Variants in CSMD3 observed in about 807,000 individuals in gnomAD.
CSMD3 encodes CUB and sushi domain-containing protein 3.
A neutral mutation model predicts 435.2 loss-of-function variants in CSMD3; 177 were observed. The observed-to-expected ratio is 0.41, with a 90% CI of 0.36 to 0.46. CSMD3 has a LOEUF of 0.46. Among genes scored for constraint, CSMD3 ranks in the 20% least tolerant of loss-of-function variants. CSMD3 has a pLI of 0.34. For missense variants in CSMD3, 4,265 were observed against 4,504.6 expected (o/e 0.95, Z 1.52); for synonymous variants, 1,656 against 1,520.5 (o/e 1.09, Z -2.07).
At chr8:113,211,994 G>C (rs1035427782) in intron 3 of CSMD3, among the ~76,000 whole-genome samples, 4 of 152,168 alleles carry the variant, frequency 2.6e-5, no homozygotes, top group Middle Eastern at 6.8e-3. Flanking sequence ...ATATCTAAAA[G>C]TAAAGTAGGA....
intron 5 of CSMD3, among the ~76,000 whole-genome samples, chr8:113,078,142 G>C (rs1304655062): frequency 6.6e-6 from 1 of 152,116 alleles, no homozygotes; most frequent in Non-Finnish European, 1.5e-5. Context: ...CACACAGGCT[G>C]TGTACTGTAC....
chr8:112,392,905 G>T (rs958474458), intron 35 of CSMD3, among the ~76,000 whole-genome samples: 2 of 127,046 alleles, frequency 1.6e-5, no homozygotes, highest in Non-Finnish European at 3.1e-5. Context: ...TGGCTTTGTC[G>T]CCTAGGCTGG....
chr8:112,756,143 T>G (rs1432493365), intron 13 of CSMD3, among the ~76,000 whole-genome samples: 1 of 152,142 alleles, frequency 6.6e-6, no homozygotes, highest in Non-Finnish European at 1.5e-5. Flanking sequence ...GGGCTGCCAC[T>G]TCCATTTTAA....
intron 4 of CSMD3, among the ~76,000 whole-genome samples, chr8:113,147,397 T>C (rs1030126235): frequency 1.3e-5 from 2 of 151,734 alleles, no homozygotes; most frequent in Non-Finnish European, 2.9e-5. Flanking sequence ...GCCACACTTT[T>C]CTTCTCAGAA....
chr8:113,051,864 G>A (rs2131329377), intron 5 of CSMD3, among the ~76,000 whole-genome samples: 1 of 152,246 alleles, frequency 6.6e-6, no homozygotes, highest in Middle Eastern at 3.4e-3. Context: ...AAGGAAAAGA[G>A]CAAATGTGAC....
At chr8:112,667,440 T>A (rs548339190) in intron 16 of CSMD3, among the ~76,000 whole-genome samples, 2 of 152,320 alleles carry the variant, frequency 1.3e-5, no homozygotes, top group African/African-American at 4.8e-5. Flanking sequence ...TCATCTTAGT[T>A]TAAAATAACA....
intron 16 of CSMD3, 56 bp downstream of exon 16, chr8:112,682,386 G>A (rs1688724680): frequency 8.0e-7 from 1 of 1,257,670 alleles, no homozygotes; most frequent in African/African-American, 1.5e-5. Flanking sequence ...TTCTTGTTGT[G>A]GTTTCTTGTA....
rs114258633 is a variant in CSMD3 at position 113,338,825 on chromosome 8, T to G, written c.179-24032A>C. Reference sequence around the variant, plus strand: ...ATTGATGCTTGCACAACTCTGAATATACTGAAACTACTGAATTTGGACCTG... The same window carrying G: ...ATTGATGCTTGCACAACTCTGAATAGACTGAAACTACTGAATTTGGACCTG... On this transcript the variant is annotated intron_variant, in intron 1 of 70. Transcript: ENST00000297405. Among the ~76,000 whole-genome samples, 781 of 152,118 alleles carry G rather than the reference T, an allele frequency of 5.1e-3. 12 individuals are homozygous for G. Among genetic ancestry groups the G allele is most frequent in the African/African-American group, 0.018 (754 of 41,556 alleles).
At chr8:112,506,103 G>C (rs935840067) in intron 29 of CSMD3, among the ~76,000 whole-genome samples, 1 of 151,906 alleles carries the variant, frequency 6.6e-6, no homozygotes, top group African/African-American at 2.4e-5. Context: ...AATTATCATT[G>C]TTGTTGCTTT....
rs528595643 is a variant in CSMD3 at position 112,955,709 on chromosome 8, T to C, written c.1343-948A>G. Among the ~76,000 whole-genome samples the C allele has an allele frequency of 1.1e-4, 16 of 151,982 alleles. No individual in the cohort carries two copies. In the Middle Eastern group the frequency reaches 0.01, roughly 97 times the overall value. On this transcript the variant is annotated intron_variant, in intron 7 of 70. Coordinates refer to ENST00000297405, the MANE Select transcript of CSMD3 (RefSeq NM_198123.2). ...AATTATTTTCTTTTACAAAACATGG[T>C]ATATACAGGAAATAACTTGCTCAGT...
chr8:112,764,220 T>C (rs1308483936), intron 13 of CSMD3, among the ~76,000 whole-genome samples: 1 of 151,474 alleles, frequency 6.6e-6, no homozygotes, highest in Non-Finnish European at 1.5e-5. Flanking sequence ...TGGGGAGAGA[T>C]GTAAAGGTTT....
chr8:113,007,425 A>T (rs1488951907), intron 6 of CSMD3, among the ~76,000 whole-genome samples: 1 of 151,994 alleles, frequency 6.6e-6, no homozygotes, highest in Admixed American at 6.6e-5. Context: ...AAATTTGGAC[A>T]TAGAGAGCAA....
chr8:112,273,338 T>G (rs1387243321), intron 59 of CSMD3, among the ~76,000 whole-genome samples: 1 of 152,186 alleles, frequency 6.6e-6, no homozygotes, highest in Non-Finnish European at 1.5e-5. Flanking sequence ...CTATTTTCAT[T>G]ATTTCAATCT....
intron 38 of CSMD3, among the ~76,000 whole-genome samples, chr8:112,363,051 C>T (rs1317535594): frequency 1.3e-5 from 2 of 151,936 alleles, no homozygotes; most frequent in Non-Finnish European, 2.9e-5. Context: ...GTGTTTAATG[C>T]AGGGAGAATT....
intron 13 of CSMD3, among the ~76,000 whole-genome samples, chr8:112,752,784 AGTT>A (rs764633983): frequency 6.6e-6 from 1 of 152,174 alleles, no homozygotes; most frequent in Non-Finnish European, 1.5e-5. Flanking sequence ...TATTATCTAG[AGTT>A]GTTGAGGTAA....
intron 1 of CSMD3, among the ~76,000 whole-genome samples, chr8:113,354,885 G>A (rs560343082): frequency 7.2e-5 from 11 of 151,758 alleles, no homozygotes; most frequent in Non-Finnish European, 1.0e-4. Flanking sequence ...GCACTCCACC[G>A]ACCTGGGCCT....
chr8:113,109,869 A>G (rs1439135992), intron 4 of CSMD3, among the ~76,000 whole-genome samples: 1 of 152,188 alleles, frequency 6.6e-6, no homozygotes, highest in African/African-American at 2.4e-5. Context: ...CATCCTTTGC[A>G]ATCTAAATGA....
intron 31 of CSMD3, among the ~76,000 whole-genome samples, chr8:112,479,660 GT>G (rs1442055370): frequency 6.6e-6 from 1 of 152,206 alleles, no homozygotes; most frequent in Non-Finnish European, 1.5e-5. Context: ...GCTCTGTAAA[GT>G]GCAAGCCATA....
chr8:113,009,374 G>A lies in CSMD3; in HGVS notation c.1030+9693C>T, dbSNP rs1282543432. Among the ~76,000 whole-genome samples, 7 of 151,550 alleles carry A rather than the reference G, an allele frequency of 4.6e-5. No homozygotes were observed. The East Asian group carries it at 7.8e-4, about 17-fold the overall frequency. On this transcript the variant is annotated intron_variant, in intron 6 of 70. Transcript: ENST00000297405. ...CTATTCAGGTTCACAGACTGAAGTC[G>A]GTATTCATATTTACTAACTTCTAAT...
Sources: allele counts gnomAD v4.1 joint callset (sites outside exome capture counted in the v4.1 genomes callset), GRCh38; gene constraint gnomAD v4.1.1; transcripts MANE v1.5; gene names NCBI Gene and HGNC (gene_info 2026-07-23, HGNC 2026-07-21).